KHDRBS2: variants seen among roughly 807,000 people sequenced by gnomAD.
The protein encoded by KHDRBS2 is KH RNA binding domain containing, signal transduction associated 2.
A neutral mutation model predicts 44.3 loss-of-function variants in KHDRBS2; 26 were observed. The ratio of observed to expected loss-of-function variants is 0.59; its 90% confidence interval spans 0.43 to 0.81. KHDRBS2 has a LOEUF of 0.81. Among genes scored for constraint, KHDRBS2 ranks in the 40% least tolerant of loss-of-function variants. The pLI is 0.00. For missense variants in KHDRBS2, 476 were observed against 433.1 expected (o/e 1.10, Z -0.88); for synonymous variants, 194 against 151.1 (o/e 1.28, Z -2.08).
Position 61,772,331 on chromosome 6 carries a change from G to A in KHDRBS2, c.811-39567C>T, listed in dbSNP as rs575511298. 2.8e-3 allele frequency among the ~76,000 whole-genome samples: 430 copies of A among 152,228 alleles called. 5 individuals are homozygous for A. Among genetic ancestry groups the A allele is most frequent in the African/African-American group, 0.01 (416 of 41,548 alleles). ...AAATAACTAAGATCAGAGCAGAACT[G>A]AAGGAAATAGAGACACAAAAAACCC... On this transcript the variant is annotated intron_variant, in intron 6 of 8. Transcript: ENST00000281156.
chr6:61,650,107 T>C, the KHDRBS2 span, among the ~76,000 whole-genome samples: 1 of 152,160 alleles, frequency 6.6e-6, no homozygotes, highest in Admixed American at 6.6e-5. Context: ...TGCTATTCTT[T>C]CTGCCTGCAT....
intron 2 of KHDRBS2, among the ~76,000 whole-genome samples, chr6:62,050,653 A>G (rs1242952719): frequency 1.3e-5 from 2 of 151,998 alleles, no homozygotes; most frequent in Admixed American, 6.6e-5. Flanking sequence ...CTCATGGTAA[A>G]TGCTGATGAA....
chr6:61,820,366 G>A (rs1562244857), intron 6 of KHDRBS2, among the ~76,000 whole-genome samples: 1 of 151,920 alleles, frequency 6.6e-6, no homozygotes, highest in Non-Finnish European at 1.5e-5. Context: ...TTTGGGAGGT[G>A]AGAAAATAGA....
chr6:61,612,939 G>A, the KHDRBS2 span, among the ~76,000 whole-genome samples: 10 of 132,828 alleles, frequency 7.5e-5, no homozygotes, highest in East Asian at 5.1e-4. Flanking sequence ...GGCAAGCTCC[G>A]CCTCCTGGGT....
rs924077792 is a variant in KHDRBS2 at position 61,914,243 on chromosome 6, G to GA, written c.484-12873dup. ...TGATGGATTAGATATGGCAAATAAT[G>GA]AAAAAAAAATGAACTTAAAGCTGTC... On this transcript the variant is annotated intron_variant, in intron 4 of 8. Transcript: ENST00000281156. Among the ~76,000 whole-genome samples, 605 of 149,808 alleles carry GA rather than the reference G, an allele frequency of 4.0e-3. 6 individuals carry two copies. The highest frequency in any genetic ancestry group is 0.013 in the African/African-American group (538 of 40,842).
intron 6 of KHDRBS2, among the ~76,000 whole-genome samples, chr6:61,766,112 T>TC (rs1408078507): frequency 2.6e-5 from 4 of 151,558 alleles, no homozygotes; most frequent in African/African-American, 9.7e-5. Context: ...TGTTCAGGCT[T>TC]TTTTTTTGCT....
intron 2 of KHDRBS2, among the ~76,000 whole-genome samples, chr6:62,058,943 A>G (rs775524063): frequency 1.3e-5 from 2 of 151,788 alleles, no homozygotes; most frequent in African/African-American, 4.8e-5. Flanking sequence ...TAAAATTCAT[A>G]TAAAATAAAA....
intron 3 of KHDRBS2, among the ~76,000 whole-genome samples, chr6:61,989,079 T>C (rs1230913617): frequency 1.3e-5 from 2 of 152,194 alleles, no homozygotes; most frequent in Non-Finnish European, 2.9e-5. Flanking sequence ...ATTCTCCCTG[T>C]TGAAAATAGA....
intron 6 of KHDRBS2, among the ~76,000 whole-genome samples, chr6:61,829,938 T>A (rs922727902): frequency 6.6e-6 from 1 of 152,168 alleles, no homozygotes; most frequent in African/African-American, 2.4e-5. Context: ...TTTTTCCATC[T>A]TCCCCCATAT....
At chr6:62,215,967 G>C (rs1024917171) in intron 1 of KHDRBS2, among the ~76,000 whole-genome samples, 6 of 151,536 alleles carry the variant, frequency 4.0e-5, no homozygotes, top group Non-Finnish European at 8.9e-5. Context: ...CGTGAAGTTG[G>C]TATCACATTC....
At chr6:61,615,248 A>G in the KHDRBS2 span, among the ~76,000 whole-genome samples, 1 of 150,310 alleles carries the variant, frequency 6.7e-6, no homozygotes, top group Non-Finnish European at 1.5e-5. Context: ...AAAAAAAAAA[A>G]AAAGAAAGAA....
chr6:61,885,010 T>C (rs1433789412), intron 6 of KHDRBS2, among the ~76,000 whole-genome samples: 7 of 152,116 alleles, frequency 4.6e-5, no homozygotes, highest in Admixed American at 3.9e-4. Context: ...AAAGTGAATA[T>C]TTATTTTGAA....
At chr6:61,576,324 G>T in the KHDRBS2 span, among the ~76,000 whole-genome samples, 4 of 152,074 alleles carry the variant, frequency 2.6e-5, no homozygotes, top group South Asian at 8.3e-4. Flanking sequence ...GTATGCCTAG[G>T]TATATATATT....
chr6:61,602,889 C>T, the KHDRBS2 span, among the ~76,000 whole-genome samples: 1 of 152,132 alleles, frequency 6.6e-6, no homozygotes, highest in South Asian at 2.1e-4. Flanking sequence ...ACTAAATTGT[C>T]TGCTTCCCTG....
At chr6:62,221,057 A>C (rs1229482084) in intron 1 of KHDRBS2, among the ~76,000 whole-genome samples, 1 of 151,920 alleles carries the variant, frequency 6.6e-6, no homozygotes, top group Non-Finnish European at 1.5e-5. Flanking sequence ...AAGATATGAA[A>C]GCAATACGTG....
intron 7 of KHDRBS2, among the ~76,000 whole-genome samples, chr6:61,700,468 T>C (rs1254305482): frequency 6.6e-6 from 1 of 150,724 alleles, no homozygotes; most frequent in Non-Finnish European, 1.5e-5. Context: ...GAAAATGATG[T>C]ATAATAATCA....
At chr6:61,871,936 C>T (rs1798714907) in intron 6 of KHDRBS2, among the ~76,000 whole-genome samples, 1 of 103,098 alleles carries the variant, frequency 9.7e-6, no homozygotes, top group African/African-American at 3.9e-5. Flanking sequence ...CACACTAGGG[C>T]CTGTCAGGGG....
chr6:62,052,959 G>A (rs1789410240), intron 2 of KHDRBS2, among the ~76,000 whole-genome samples: 1 of 151,830 alleles, frequency 6.6e-6, no homozygotes, highest in Non-Finnish European at 1.5e-5. Flanking sequence ...TTCTGTATTT[G>A]GATTTCATCC....
intron 4 of KHDRBS2, among the ~76,000 whole-genome samples, chr6:61,941,807 G>A (rs565247526): frequency 2.8e-4 from 43 of 152,222 alleles, no homozygotes; most frequent in Non-Finnish European, 5.6e-4. Context: ...AGAAGCAACT[G>A]TTACACCAGA....
Sources: gnomAD v4.1 joint callset for allele counts (sites outside exome capture counted in the v4.1 genomes callset) on GRCh38, gnomAD v4.1.1 for gene constraint, MANE v1.5 for transcripts, NCBI Gene and HGNC (gene_info 2026-07-23, HGNC 2026-07-21) for gene names.